CPS1: variants seen among roughly 807,000 people sequenced by gnomAD.
The protein encoded by CPS1 is carbamoyl-phosphate synthase 1.
Under a neutral mutation model 174.6 loss-of-function variants are expected in CPS1, and 109 were observed. The ratio of observed to expected loss-of-function variants is 0.62; its 90% CI spans 0.53 to 0.73. CPS1 has a LOEUF of 0.73. CPS1 is among the 30% of genes least tolerant of loss of function. The probability of loss-of-function intolerance (pLI) is 0.00; values close to 1 mark genes in which losing one functional copy is unlikely to be tolerated. For synonymous variants in CPS1, 637 were observed against 632.0 expected (o/e 1.01, Z -0.12); for missense variants, 1,689 against 1,821.9 (o/e 0.93, Z 1.33).
intron 1 of CPS1, among the ~76,000 whole-genome samples, chr2:210,502,435 T>C (rs1227057254): frequency 6.9e-6 from 1 of 145,390 alleles, no homozygotes. Flanking sequence ...AAAAGAGAGA[T>C]ATAGAGATAT....
At chr2:210,501,673 C>T (rs1472133651) in intron 1 of CPS1, among the ~76,000 whole-genome samples, 1 of 152,144 alleles carries the variant, frequency 6.6e-6, no homozygotes, top group Non-Finnish European at 1.5e-5. Context: ...GAGACCATCT[C>T]AGCCTGGACT....
At chr2:210,565,479 T>C (rs942531223) in intron 1 of CPS1, among the ~76,000 whole-genome samples, 3 of 152,160 alleles carry the variant, frequency 2.0e-5, no homozygotes, top group Non-Finnish European at 4.4e-5. Flanking sequence ...GCCTATTTCT[T>C]TGGAGTATGT....
chr2:210,501,394 T>C (rs1391671534), intron 1 of CPS1, among the ~76,000 whole-genome samples: 4 of 152,206 alleles, frequency 2.6e-5, no homozygotes, highest in Non-Finnish European at 5.9e-5. Flanking sequence ...TCCAAACTTT[T>C]ATGCTCTGCT....
intron 1 of CPS1, among the ~76,000 whole-genome samples, chr2:210,523,011 A>T (rs1291386713): frequency 1.3e-5 from 2 of 151,988 alleles, no homozygotes; most frequent in Admixed American, 6.6e-5. Flanking sequence ...ATCTGAGCAA[A>T]CTCTGGTGAA....
At chr2:210,507,109 G>T (rs1038605832) in intron 1 of CPS1, among the ~76,000 whole-genome samples, 1 of 152,322 alleles carries the variant, frequency 6.6e-6, no homozygotes, top group African/African-American at 2.4e-5. Context: ...AGGAAAAAAT[G>T]TTAAGGGCAG....
chr2:210,577,005 A>G (rs920365675), intron 3 of CPS1: 12 of 249,904 alleles, frequency 4.8e-5, no homozygotes, highest in Non-Finnish European at 4.7e-5. Context: ...TCACCATTCC[A>G]TTTTTGAATG....
At chr2:210,674,682 C>A (rs1559140758) in intron 34 of CPS1, 1 of 574,920 alleles carries the variant, frequency 1.7e-6, no homozygotes, top group African/African-American at 1.9e-5. Context: ...AGGTGAAAAG[C>A]AGGGATCAAG....
intron 20 of CPS1, among the ~76,000 whole-genome samples, 154 bp from the exon 21 acceptor site, chr2:210,616,268 GA>G (rs2105865644): frequency 6.6e-6 from 1 of 152,068 alleles, no homozygotes; most frequent in East Asian, 1.9e-4. Flanking sequence ...TTATTGGAAG[GA>G]ATGTCAGTGA....
intron 1 of CPS1, among the ~76,000 whole-genome samples, chr2:210,509,727 A>G (rs1695397793): frequency 6.6e-6 from 1 of 152,168 alleles, no homozygotes. Context: ...GCATTCTTAT[A>G]CCATTAGCAG....
chr2:210,584,159 T>C (rs1698023993), intron 6 of CPS1, among the ~76,000 whole-genome samples: 1 of 152,118 alleles, frequency 6.6e-6, no homozygotes, highest in African/African-American at 2.4e-5. Flanking sequence ...CTACATACAA[T>C]GGGAGTTAAA....
At chr2:210,588,858 A>G (rs11897497) in intron 7 of CPS1, among the ~76,000 whole-genome samples, 173 of 152,210 alleles carry the variant, frequency 1.1e-3, no homozygotes, top group African/African-American at 4.1e-3. Flanking sequence ...ATTCTTGTCA[A>G]TTTTATTAAC....
At chr2:210,481,665 T>C (rs1559728957) in intron 1 of CPS1, among the ~76,000 whole-genome samples, 1 of 152,238 alleles carries the variant, frequency 6.6e-6, no homozygotes, top group Non-Finnish European at 1.5e-5. Flanking sequence ...TCTTCAGTCA[T>C]TTGAAAGAGA....
Position 210,582,704 on chromosome 2 carries a change from A to T in CPS1, c.616A>T (p.Thr206Ser), listed in dbSNP as rs762605091. Residue 206 changes from threonine (T) to serine (S), a missense_variant, in exon 6 of 38, where the codon ACC (threonine) becomes TCC (serine). Physicochemically the swap from Thr to Ser is moderately conservative, Grantham distance 58. Transcript: ENST00000233072. ...ACAGAATTTGATTGCTGAGGTTTCA[A>T]CCAAGGTGAGGGGTTTTCCTTTATA... ...NKQNLIAEVS[T>S]KDVKVYGKGN... 1.9e-6 allele frequency: 3 copies of T among 1,610,262 alleles called. No individual in the cohort carries two copies. In the East Asian group the frequency reaches 6.7e-5, roughly 36 times the overall value.
At chr2:210,638,664 T>C (rs1164311576) in intron 22 of CPS1, among the ~76,000 whole-genome samples, 1 of 152,200 alleles carries the variant, frequency 6.6e-6, no homozygotes, top group Non-Finnish European at 1.5e-5. Context: ...TTTCCAAATA[T>C]GTTCAATGAG....
At chr2:210,616,173 A>C (rs1195613246) in intron 20 of CPS1, among the ~76,000 whole-genome samples, 1 of 152,042 alleles carries the variant, frequency 6.6e-6, no homozygotes, top group African/African-American at 2.4e-5. Context: ...AAAACCTGTT[A>C]GGAGATTTTT....
chr2:210,504,191 T>C (rs1004519878), intron 1 of CPS1, among the ~76,000 whole-genome samples: 7 of 152,144 alleles, frequency 4.6e-5, no homozygotes, highest in African/African-American at 1.7e-4. Flanking sequence ...GAACAAGGCA[T>C]GGTGTGTGTC....
intron 33 of CPS1, among the ~76,000 whole-genome samples, chr2:210,666,386 C>T (rs1454314132): frequency 6.6e-6 from 1 of 151,048 alleles, no homozygotes; most frequent in Non-Finnish European, 1.5e-5. Context: ...GTGTTTTGGA[C>T]ATGAAGTCCT....
chr2:210,666,047 G>A (rs994095090), intron 33 of CPS1, among the ~76,000 whole-genome samples: 3 of 151,570 alleles, frequency 2.0e-5, no homozygotes, highest in Non-Finnish European at 4.4e-5. Context: ...ATCTCATTGT[G>A]GTTTAGATTT....
At chr2:210,501,616 A>G (rs1695139778) in intron 1 of CPS1, among the ~76,000 whole-genome samples, 1 of 152,184 alleles carries the variant, frequency 6.6e-6, no homozygotes, top group Admixed American at 6.5e-5. Context: ...AAAGCATAGC[A>G]ATACTCACCT....
Sources: gnomAD v4.1 joint callset for allele counts (sites outside exome capture counted in the v4.1 genomes callset) on GRCh38, gnomAD v4.1.1 for gene constraint, MANE v1.5 for transcripts, NCBI Gene and HGNC (gene_info 2026-07-23, HGNC 2026-07-21) for gene names.